POM121C: variants seen among roughly 807,000 people sequenced by gnomAD.
POM121C encodes the protein nuclear envelope pore membrane protein POM 121C.
In POM121C, 20 loss-of-function variants were observed where a neutral mutation model predicts 66.4. That is an observed-to-expected ratio of 0.30 (90% CI 0.21 to 0.44). POM121C has a LOEUF of 0.44. Ranked by LOEUF, POM121C falls within the 20% of genes least tolerant of loss-of-function variation. The pLI is 1.00. For missense variants in POM121C, 580 were observed against 1,225.7 expected (o/e 0.47, Z 7.87); for synonymous variants, 286 against 528.0 (o/e 0.54, Z 6.28).
intron 3 of POM121C, among the ~76,000 whole-genome samples, chr7:75,467,673 A>C (rs1584706019): frequency 6.6e-6 from 1 of 151,988 alleles, no homozygotes; most frequent in African/African-American, 2.4e-5. Flanking sequence ...ACATTTTTCC[A>C]CTTTATTCAA....
intron 3 of POM121C, among the ~76,000 whole-genome samples, chr7:75,461,483 T>C (rs1554477007): frequency 1.3e-5 from 2 of 152,048 alleles, no homozygotes; most frequent in Non-Finnish European, 2.9e-5. Context: ...AGAGGTGCAA[T>C]CGGCTTACTG....
intron 1 of POM121C, among the ~76,000 whole-genome samples, chr7:75,483,475 C>T (rs3960589): frequency 0.076 from 11,542 of 152,182 alleles, 1,440 homozygotes; most frequent in African/African-American, 0.26. Context: ...ACCCACTTTC[C>T]CTTCACCTTT....
chr7:75,419,188 T>G (rs587756226), intron 14 of POM121C, 132 bp downstream of exon 14: 137 of 1,400,804 alleles, frequency 9.8e-5, no homozygotes, highest in East Asian at 1.8e-4. Flanking sequence ...GGCTGTGCTG[T>G]ACTCCTAACC....
At chr7:75,431,212 T>G (rs1790164093) in intron 7 of POM121C, among the ~76,000 whole-genome samples, 1 of 152,006 alleles carries the variant, frequency 6.6e-6, no homozygotes, top group Non-Finnish European at 1.5e-5. Context: ...AATGAAATAT[T>G]ACTTCACACT....
At chr7:75,435,582 TATATAAA>T (rs1200008031) in intron 7 of POM121C, among the ~76,000 whole-genome samples, 1 of 152,186 alleles carries the variant, frequency 6.6e-6, no homozygotes, top group Non-Finnish European at 1.5e-5. Context: ...AACCTCACTG[TATATAAA>T]GTTGGTGTAC....
intron 7 of POM121C, among the ~76,000 whole-genome samples, chr7:75,430,406 G>C (rs1790120604): frequency 6.6e-6 from 1 of 152,122 alleles, no homozygotes; most frequent in African/African-American, 2.4e-5. Flanking sequence ...AGAGAAATAA[G>C]GATGGTCCTT....
rs1254014331 is a variant in POM121C, at chr7:75,416,999, G to A, written c.*1797C>T. On this transcript the variant is annotated 3_prime_UTR_variant, in exon 15 of 15. Transcript: ENST00000615331. ...CCGGCTGTCCTGCCTGCGGAACTGA[G>A]GTAAACAAGCTCAGGTACTGACACT... 1.4e-5 allele frequency: 18 copies of A among 1,302,850 alleles called. No individual in the cohort carries two copies. Among genetic ancestry groups the A allele is most frequent in the Non-Finnish European group, 1.8e-5 (18 of 1,021,016 alleles). 80.7% of individuals were successfully genotyped at this position (1,302,850 alleles called of 1,614,324 possible). A position where few individuals can be genotyped will look rare whatever the true frequency, so the allele number is the denominator to read the frequency against.
At chr7:75,424,794 A>G in intron 10 of POM121C, 166 bp from the exon 11 acceptor site, 1 of 1,209,000 alleles carries the variant, frequency 8.3e-7, no homozygotes, top group Non-Finnish European at 1.2e-6. Flanking sequence ...CCCCATCTCT[A>G]CTAAAAATAC....
Position 75,437,651 on chromosome 7 carries a change from C to A in POM121C, c.344G>T (p.Ser115Ile). ...TCTCTTATTCAAGTGGTCATCTGAG[C>A]TCTGAGAATTGAGGCCTCTCTTCAG... Reference protein sequence around the residue: ...GSLKRGLNSQSSDDHLNKRSR... With the variant: ...GSLKRGLNSQISDDHLNKRSR... The change falls in exon 7 of 15, where the codon AGC becomes ATC. Residue 115 changes from serine (S) to isoleucine (I), a missense_variant. Ser to Ile is a moderately radical substitution (Grantham distance 142). Transcript: ENST00000615331. 1 of 1,613,140 alleles carries A rather than the reference C, an allele frequency of 6.2e-7. No individual in the cohort carries two copies.
At chr7:75,437,719 T>C (rs781818512) in intron 6 of POM121C, 33 bp from the exon 7 acceptor site, 5 of 1,549,874 alleles carry the variant, frequency 3.2e-6, no homozygotes, top group Non-Finnish European at 4.4e-6. Flanking sequence ...GATGCTTTAT[T>C]GAAGGCAACA....
At chr7:75,440,854 C>A in intron 5 of POM121C, 100 bp downstream of exon 5, 2 of 1,597,606 alleles carry the variant, frequency 1.3e-6, no homozygotes, top group Non-Finnish European at 1.7e-6. Flanking sequence ...TGAAGGCTCA[C>A]AAACTGGACG....
At chr7:75,465,744 C>T (rs1343537721) in intron 3 of POM121C, among the ~76,000 whole-genome samples, 6 of 143,998 alleles carry the variant, frequency 4.2e-5, no homozygotes, top group African/African-American at 1.3e-4. Context: ...CAGAGCAAGA[C>T]TCCATCTCAA....
rs1792036078 is a variant in POM121C, at chr7:75,475,330, G to A, written c.-457-142C>T. The A allele has an allele frequency of 3.3e-6, 3 of 922,392 alleles. No individual in the cohort carries two copies. The East Asian group carries it at 8.3e-5, about 26-fold the overall frequency. 57.1% of individuals were successfully genotyped at this position (922,392 alleles called of 1,614,324 possible). ...AGATTATGGAAGGGAAATCATATTG[G>A]AAACACATATCCTTTGGGGTCCTTT... is the stretch of plus-strand genomic sequence containing the variant. On this transcript the variant is annotated intron_variant, in intron 1 of 14. Transcript: ENST00000615331.
intron 7 of POM121C, among the ~76,000 whole-genome samples, chr7:75,436,590 A>G (rs1343546142): frequency 6.6e-6 from 1 of 152,172 alleles, no homozygotes; most frequent in Non-Finnish European, 1.5e-5. Flanking sequence ...CTTGTCTCAA[A>G]AACGTTTCTC....
At chr7:75,465,347 T>C (rs1554477621) in intron 3 of POM121C, among the ~76,000 whole-genome samples, 3 of 149,256 alleles carry the variant, frequency 2.0e-5, no homozygotes, top group African/African-American at 7.3e-5. Flanking sequence ...GGCTCATGCC[T>C]ATAATCCCAG....
intron 3 of POM121C, chr7:75,442,374 G>A: frequency 1.4e-6 from 2 of 1,441,066 alleles, no homozygotes; most frequent in Non-Finnish European, 1.8e-6. Context: ...GCAGGGTCAG[G>A]TCCTTCGAGC....
intron 3 of POM121C, among the ~76,000 whole-genome samples, chr7:75,461,532 C>G (rs1297206168): frequency 1.3e-5 from 2 of 152,116 alleles, no homozygotes; most frequent in Non-Finnish European, 2.9e-5. Flanking sequence ...TTTCCTGCCT[C>G]AGCTTCCAAG....
At chr7:75,442,642 C>T (rs1274029944) in intron 3 of POM121C, 277 of 1,478,976 alleles carry the variant, frequency 1.9e-4, no homozygotes, top group Admixed American at 2.6e-4. Context: ...CGCCGCAGCC[C>T]CGGCCCCGGC....
intron 3 of POM121C, among the ~76,000 whole-genome samples, chr7:75,458,109 A>C (rs1253866856): frequency 1.3e-5 from 2 of 152,200 alleles, no homozygotes; most frequent in African/African-American, 4.8e-5. Flanking sequence ...CAAATGGGAA[A>C]CGGGTTAAAT....
Sources: allele counts gnomAD v4.1 joint callset (sites outside exome capture counted in the v4.1 genomes callset), GRCh38; gene constraint gnomAD v4.1.1; transcripts MANE v1.5; gene names NCBI Gene and HGNC (gene_info 2026-07-23, HGNC 2026-07-21).